The following HYLS1 variants were observed in gnomAD, a reference collection of about 807,000 sequenced individuals.
The protein encoded by HYLS1 is centriolar and ciliogenesis-associated protein HYLS1.
In HYLS1, 25 loss-of-function variants were observed where a neutral mutation model predicts 29.4. The ratio of observed to expected loss-of-function variants is 0.85; its 90% CI spans 0.62 to 1.19. HYLS1 has a LOEUF of 1.19. Among genes scored for constraint, HYLS1 ranks in the 50% most tolerant of loss-of-function variants. HYLS1 has a pLI of 0.00. For missense variants in HYLS1, 352 were observed against 365.1 expected (o/e 0.96, Z 0.29); for synonymous variants, 128 against 126.7 (o/e 1.01, Z -0.07).
rs113754143 is a variant in HYLS1 at position 125,898,346 on chromosome 11, A to G, written c.-25-998A>G. On this transcript the variant is annotated intron_variant, in intron 2 of 2. Transcript: ENST00000425380. ...ATTGATGTGGATACCAAGTTATTTC[A>G]GACACTAGAATAAACAGATTTAGCT... 7.5e-4 allele frequency among the ~76,000 whole-genome samples: 115 copies of G among 152,336 alleles called. 1 individual carries two copies. The highest frequency in any genetic ancestry group is 8.4e-4 in the African/African-American group (35 of 41,576).
chr11:125,893,778 T>A, intron 2 of HYLS1: 1 of 1,599,810 alleles, frequency 6.3e-7, no homozygotes, highest in Non-Finnish European at 8.5e-7. Flanking sequence ...TGGCAAATTG[T>A]CTATGGTTAA....
At chr11:125,891,627 G>C (rs1304099021) in intron 2 of HYLS1, among the ~76,000 whole-genome samples, 155 bp downstream of exon 2, 1 of 152,088 alleles carries the variant, frequency 6.6e-6, no homozygotes, top group African/African-American at 2.4e-5. Flanking sequence ...ACATAATGAA[G>C]TGTTGATAGA....
chr11:125,896,685 CTG>C (rs1388597737), intron 2 of HYLS1, among the ~76,000 whole-genome samples: 2 of 152,174 alleles, frequency 1.3e-5, no homozygotes, highest in African/African-American at 4.8e-5. Context: ...TGATTTCTCA[CTG>C]TATTTGTTCA....
At chr11:125,888,357 A>G (rs961814359) in intron 1 of HYLS1, 1 of 152,270 alleles carries the variant, frequency 6.6e-6, no homozygotes, top group African/African-American at 2.4e-5. Flanking sequence ...ATCTTTTTAG[A>G]TTGGTAAGAT....
chr11:125,894,157 T>G, intron 2 of HYLS1: 1 of 1,614,176 alleles, frequency 6.2e-7, no homozygotes, highest in Non-Finnish European at 8.5e-7. Flanking sequence ...ACATGTGAGT[T>G]TTGACAGCAT....
rs139714318 is a variant in HYLS1 at position 125,900,207 on chromosome 11, G to A, written c.839G>A (p.Arg280His). ...AGGTCTGCACTCCGTTGGGGTGTTC[G>A]TTGTGACCTTGCAAATGGTGTCATA... ...KKRSALRWGV[R>H]CDLANGVIPR... Residue 280 changes from arginine (R) to histidine (H), a missense_variant, in exon 3 of 3, where the codon CGT (arginine) becomes CAT (histidine). Arg to His is a conservative substitution (Grantham distance 29). Transcript: ENST00000425380. 91 of 1,614,054 alleles carry A rather than the reference G, an allele frequency of 5.6e-5. No individual in the cohort carries two copies. The highest frequency in any genetic ancestry group is 7.2e-5 in the Non-Finnish European group (85 of 1,180,020).
intron 2 of HYLS1, 56 bp from the exon 3 acceptor site, chr11:125,899,287 GC>G: frequency 7.8e-7 from 1 of 1,278,806 alleles, no homozygotes; most frequent in Middle Eastern, 1.9e-4. Flanking sequence ...AAGGGAATGA[GC>G]AATTTATGAG....
chr11:125,899,542 A>G lies in HYLS1; in HGVS notation c.174A>G (p.Pro58=), dbSNP rs1944695087. The G allele has an allele frequency of 6.2e-7, 1 of 1,614,176 alleles. No individual in the cohort carries two copies. The highest frequency in any genetic ancestry group is 8.5e-7 in the Non-Finnish European group (1 of 1,180,014). Residue 58 remains proline, a synonymous_variant, in exon 3 of 3, where the codon CCA becomes CCG. Transcript: ENST00000425380. The part of the protein sequence containing the change: ...YDPYSKASVA[P]GKRPALPVQL... ...CCTACAGTAAAGCTTCAGTAGCCCC[A>G]GGGAAGCGACCTGCTCTTCCTGTGC...
Sources: gnomAD v4.1 joint callset for allele counts (sites outside exome capture counted in the v4.1 genomes callset) on GRCh38, gnomAD v4.1.1 for gene constraint, MANE v1.5 for transcripts, NCBI Gene and HGNC (gene_info 2026-07-23, HGNC 2026-07-21) for gene names.